CFAP53: variants seen among roughly 807,000 people sequenced by gnomAD.
The protein encoded by CFAP53 is cilia and flagella associated protein 53.
A neutral mutation model predicts 59.7 loss-of-function variants in CFAP53; 62 were observed. The observed-to-expected ratio is 1.04, with a 90% CI of 0.85 to 1.28. The LOEUF (loss-of-function observed/expected upper bound fraction) is 1.28. Among genes scored for constraint, CFAP53 ranks in the 50% most tolerant of loss-of-function variants. The pLI is 0.00. For synonymous variants in CFAP53, 218 were observed against 205.7 expected (o/e 1.06, Z -0.51); for missense variants, 629 against 615.6 (o/e 1.02, Z -0.23).
intron 1 of CFAP53, 87 bp from the exon 2 acceptor site, chr18:50,262,306 T>TA: frequency 9.1e-7 from 1 of 1,101,870 alleles, no homozygotes; most frequent in Non-Finnish European, 1.3e-6. Flanking sequence ...TCAATACTCA[T>TA]ACTAAATAAA....
intron 3 of CFAP53, among the ~76,000 whole-genome samples, chr18:50,254,691 C>G (rs1421049114): frequency 6.6e-6 from 1 of 152,162 alleles, no homozygotes; most frequent in Non-Finnish European, 1.5e-5. Context: ...GAGTTCAAGA[C>G]CAGCCTGACC....
rs1194392974 is a variant in CFAP53, at chr18:50,251,540, T to A, written c.718A>T (p.Ser240Cys). ...GTCGCCTGCCTTTGTGCCTTGATGC[T>A]GGTGATCTGGGCATTCAGCCCCAGG... ...TRLGLNAQITSIKAQRQATQL... is the reference protein window; with the variant it reads ...TRLGLNAQITCIKAQRQATQL... The change falls in exon 4 of 8, where the codon AGC becomes TGC. Residue 240 changes from serine to cysteine, a missense_variant. Physicochemically the swap from Ser to Cys is moderately radical, Grantham distance 112 (BLOSUM62 -1). Transcript: ENST00000398545. 1 of 1,614,208 alleles carries A rather than the reference T, an allele frequency of 6.2e-7. No homozygotes were observed.
chr18:50,241,168 C>T (rs1216384303), intron 6 of CFAP53, among the ~76,000 whole-genome samples: 1 of 152,120 alleles, frequency 6.6e-6, no homozygotes, highest in Non-Finnish European at 1.5e-5. Flanking sequence ...TTTCAGAAAC[C>T]TTAAAACAAA....
At position 50,261,989 on chromosome 18, in the gene CFAP53, C is replaced by G; in HGVS notation, c.299+1G>C. The G allele has an allele frequency of 6.2e-7, 1 of 1,600,662 alleles. No individual in the cohort carries two copies. Among genetic ancestry groups the G allele is most frequent in the Non-Finnish European group, 8.6e-7 (1 of 1,168,284 alleles). Reference sequence around the variant, plus strand: ...TTATGTCCCAGGTTTGTGAGCCTTACTTATTTCGTCTTTCTTCAATGTTAA... The same window carrying G: ...TTATGTCCCAGGTTTGTGAGCCTTAGTTATTTCGTCTTTCTTCAATGTTAA... On this transcript the variant is annotated splice_donor_variant, in intron 2 of 7. Transcript: ENST00000398545. LOFTEE classifies it high-confidence loss of function.
Position 50,261,134 on chromosome 18 carries a change from T to C in CFAP53, c.403A>G (p.Lys135Glu). 1.3e-6 allele frequency: 2 copies of C among 1,599,700 alleles called. No individual in the cohort carries two copies. The highest frequency in any genetic ancestry group is 1.7e-6 in the Non-Finnish European group (2 of 1,176,306). ...TTTTCATTCTTCTCTTTTAGTAATTTAGTTTTCTCTCTCATCCTATCTTTT... is the reference window on the plus strand; with the variant it reads ...TTTTCATTCTTCTCTTTTAGTAATTCAGTTTTCTCTCTCATCCTATCTTTT... ...EKKDRMREKT[K>E]LLKEKNEKER... Residue 135 changes from lysine (K) to glutamate (E), a missense_variant, in exon 3 of 8, where the codon AAA becomes GAA. Physicochemically the swap from Lys to Glu is moderately conservative, Grantham distance 56. Coordinates refer to ENST00000398545, the MANE Select transcript of CFAP53 (RefSeq NM_145020.5).
intron 3 of CFAP53, among the ~76,000 whole-genome samples, chr18:50,254,585 A>G (rs1191438557): frequency 6.6e-6 from 1 of 152,198 alleles, no homozygotes; most frequent in Non-Finnish European, 1.5e-5. Context: ...GTGTTTATTA[A>G]AAAAGAAAAA....
rs2033535166 is a variant in CFAP53 at position 50,227,450 on chromosome 18, G to A, written c.1476C>T (p.Ser492=). The change falls in exon 8 of 8, where the codon TCC becomes TCT. Residue 492 remains serine (S), a synonymous_variant. Transcript: ENST00000398545. ...TGTTTTGAGGCAGCACTTGATGGGT[G>A]GACAGGACCTCCTGGACCTTGTCCA... is the stretch of plus-strand genomic sequence containing the variant. The part of the protein sequence containing the change: ...MCLDKVQEVL[S]THQVLPQNIH... 6.2e-7 allele frequency: 1 copy of A among 1,614,050 alleles called. No individual in the cohort carries two copies. The highest frequency in any genetic ancestry group is 1.3e-5 in the African/African-American group (1 of 74,908).
chr18:50,261,372 T>C, intron 2 of CFAP53, 135 bp from the exon 3 acceptor site: 1 of 1,045,888 alleles, frequency 9.6e-7, no homozygotes, highest in South Asian at 2.2e-5. Flanking sequence ...AGAATAAGAC[T>C]GGTTGGTTTG....
In CFAP53 at chr18:50,249,998, G is replaced by A. The variant is rs567178153; in HGVS notation, c.996+760C>T. 3.9e-5 allele frequency among the ~76,000 whole-genome samples: 6 copies of A among 152,258 alleles called. No individual in the cohort carries two copies. The South Asian group carries it at 1.2e-3, about 32-fold the overall frequency. ...AGCACTTTAGGAGGCTGAGGTGGGA[G>A]GATCACTTGAGCCCACTCCAGACCA... is the stretch of plus-strand genomic sequence containing the variant. On this transcript the variant is annotated intron_variant, in intron 5 of 7. Coordinates refer to ENST00000398545, the MANE Select transcript of CFAP53 (RefSeq NM_145020.5).
At chr18:50,243,262 T>C (rs1393799394) in intron 5 of CFAP53, 146 bp from the exon 6 acceptor site, 4 of 640,584 alleles carry the variant, frequency 6.2e-6, no homozygotes, top group Non-Finnish European at 1.1e-5. Context: ...CTGGAGTTTA[T>C]TCCAAAATAC....
intron 4 of CFAP53, 108 bp from the exon 5 acceptor site, chr18:50,251,084 A>C: frequency 1.1e-6 from 1 of 910,124 alleles, no homozygotes; most frequent in Non-Finnish European, 1.7e-6. Context: ...ATACACACAC[A>C]CCTGGATTTA....
chr18:50,260,499 C>CA (rs1247899920), intron 3 of CFAP53, among the ~76,000 whole-genome samples: 2 of 152,010 alleles, frequency 1.3e-5, no homozygotes, highest in Non-Finnish European at 1.5e-5. Context: ...CCCATCTCTA[C>CA]AAAAAATACA....
chr18:50,235,983 A>G (rs2033629351), intron 7 of CFAP53, among the ~76,000 whole-genome samples: 1 of 152,266 alleles, frequency 6.6e-6, no homozygotes, highest in African/African-American at 2.4e-5. Flanking sequence ...AAAAGGAGTC[A>G]GGCTGGTGGA....
At chr18:50,263,038 G>A (rs1002566323) in intron 1 of CFAP53, among the ~76,000 whole-genome samples, 9 of 152,134 alleles carry the variant, frequency 5.9e-5, no homozygotes, top group Non-Finnish European at 4.4e-5. Flanking sequence ...TACACTTAAT[G>A]AAATCACATA....
At chr18:50,241,307 C>A (rs759728176) in intron 6 of CFAP53, among the ~76,000 whole-genome samples, 4 of 152,156 alleles carry the variant, frequency 2.6e-5, no homozygotes, top group Non-Finnish European at 5.9e-5. Flanking sequence ...CAAATAAAGA[C>A]CCTCCTGGCC....
chr18:50,262,802 T>C (rs2033907827), intron 1 of CFAP53, among the ~76,000 whole-genome samples: 1 of 152,100 alleles, frequency 6.6e-6, no homozygotes, highest in African/African-American at 2.4e-5. Context: ...TAATGAAAGA[T>C]CTTTGACTAA....
chr18:50,257,483 C>T lies in CFAP53; in HGVS notation c.473+3581G>A, dbSNP rs897606611. 5.3e-5 allele frequency among the ~76,000 whole-genome samples: 8 copies of T among 152,116 alleles called. 1 individual carries two copies. Among genetic ancestry groups the T allele is most frequent in the African/African-American group, 9.6e-5 (4 of 41,524 alleles). Reference sequence around the variant, plus strand: ...ATTTCTATATGCTTACACTGAACAACGTGAAAAAGAAATTTAAAAAGTTAT... The same window carrying T: ...ATTTCTATATGCTTACACTGAACAATGTGAAAAAGAAATTTAAAAAGTTAT... On this transcript the variant is annotated intron_variant, in intron 3 of 7. Transcript: ENST00000398545.
At chr18:50,260,269 C>T (rs12959102) in intron 3 of CFAP53, among the ~76,000 whole-genome samples, 48,459 of 151,922 alleles carry the variant, frequency 0.32, 7,982 homozygotes, top group Non-Finnish European at 0.37. Context: ...GTCTGAAAAC[C>T]GAGGGTCACC....
chr18:50,265,976 G>A (rs1385696851), intron 1 of CFAP53, among the ~76,000 whole-genome samples: 3 of 152,198 alleles, frequency 2.0e-5, no homozygotes, highest in Non-Finnish European at 4.4e-5. Context: ...TGGGCCGGGT[G>A]CCCTTTCCAT....
Sources: gnomAD v4.1 joint callset for allele counts (sites outside exome capture counted in the v4.1 genomes callset) on GRCh38, gnomAD v4.1.1 for gene constraint, MANE v1.5 for transcripts, NCBI Gene and HGNC (gene_info 2026-07-23, HGNC 2026-07-21) for gene names.